CEP89: variants seen among roughly 807,000 people sequenced by gnomAD.
CEP89 encodes the protein centrosomal protein of 89 kDa.
A neutral mutation model predicts 97.6 loss-of-function variants in CEP89; 95 were observed. The observed-to-expected ratio is 0.97, with a 90% CI of 0.82 to 1.15. The LOEUF (loss-of-function observed/expected upper bound fraction) is 1.15, where lower values mean the gene tolerates loss of function less well. Ranked by LOEUF, CEP89 falls within the 50% of genes most tolerant of loss-of-function variation. The probability of loss-of-function intolerance (pLI) is 0.00; values close to 1 mark genes in which losing one functional copy is unlikely to be tolerated. For synonymous variants in CEP89, 354 were observed against 349.1 expected, an observed-to-expected ratio of 1.01 and a Z score of -0.16; for missense variants, 869 against 947.7, an observed-to-expected ratio of 0.92 and a Z score of 1.09.
At chr19:32,945,887 T>TA (rs1706797262) in intron 5 of CEP89, among the ~76,000 whole-genome samples, 1 of 152,092 alleles carries the variant, frequency 6.6e-6, no homozygotes. Context: ...TGAGTTTCAT[T>TA]AGGGCAGCCC....
At position 32,958,728 on chromosome 19, in the gene CEP89, C is replaced by T. The variant is rs180782800; in HGVS notation, c.305+1172G>A. On this transcript the variant is annotated intron_variant, in intron 3 of 18. Transcript: ENST00000305768. ...TGAATATACGTGACAATTAAAAAGG[C>T]AAATGTGGCCAGGCATGGTGGCTCA... Among the ~76,000 whole-genome samples, 4 of 151,668 alleles carry T rather than the reference C, an allele frequency of 2.6e-5. No individual in the cohort carries two copies. In the East Asian group the frequency reaches 5.8e-4, roughly 22 times the overall value.
intron 5 of CEP89, 142 bp from the exon 6 acceptor site, chr19:32,940,027 G>A: frequency 2.0e-6 from 1 of 504,500 alleles, no homozygotes. Context: ...CAGGGTCACA[G>A]GGCAAGTGGG....
intron 14 of CEP89, among the ~76,000 whole-genome samples, chr19:32,909,871 G>A (rs1599730287): frequency 6.6e-6 from 1 of 152,234 alleles, no homozygotes; most frequent in East Asian, 1.9e-4. Flanking sequence ...GACCTCTGAA[G>A]ACCTTGGTGG....
At chr19:32,938,291 T>C (rs1478395756) in intron 6 of CEP89, among the ~76,000 whole-genome samples, 1 of 152,128 alleles carries the variant, frequency 6.6e-6, no homozygotes, top group African/African-American at 2.4e-5. Flanking sequence ...GAAAAGCATG[T>C]GCTAGGTAGG....
Position 32,960,026 on chromosome 19 carries a change from G to A in CEP89, c.179C>T (p.Thr60Ile). 6.2e-7 allele frequency: 1 copy of A among 1,614,228 alleles called. No individual in the cohort carries two copies. The change falls in exon 3 of 19, where the codon ACA becomes ATA. Residue 60 changes from threonine to isoleucine, a missense_variant. Transcript: ENST00000305768. The part of the protein sequence containing the change: ...SALAAAILAT[T>I]LTGRTVAIPQ... ...AATAGCAACCGTCCGCCCAGTCAAT[G>A]TTGTCGCCAGAATGGCTGCTGCCAG...
chr19:32,879,083 T>C lies in CEP89; in HGVS notation c.*79A>G, dbSNP rs1969221945. The C allele has an allele frequency of 1.7e-6, 2 of 1,200,414 alleles. No homozygotes were observed. The highest frequency in any genetic ancestry group is 2.9e-5 in the South Asian group (2 of 68,768). The allele number at this position is 1,200,414 out of a possible 1,614,324, so 74.4% of individuals were successfully genotyped here. ...GCTTACGCACCTCCGGCTGCCACCA[T>C]GGGCTGCCCTGCAGGGAAGGCCTGT... On this transcript the variant is annotated 3_prime_UTR_variant, in exon 19 of 19. Transcript: ENST00000305768.
chr19:32,895,176 A>G (rs760169208), intron 16 of CEP89, among the ~76,000 whole-genome samples: 20 of 152,340 alleles, frequency 1.3e-4, no homozygotes, highest in Middle Eastern at 3.4e-3. Context: ...CAATAAAAAA[A>G]GAAACCTACA....
At chr19:32,891,594 G>A (rs1969518580) in intron 16 of CEP89, among the ~76,000 whole-genome samples, 1 of 151,872 alleles carries the variant, frequency 6.6e-6, no homozygotes, top group Non-Finnish European at 1.5e-5. Flanking sequence ...AAATATAACA[G>A]AACACAAATA....
intron 4 of CEP89, among the ~76,000 whole-genome samples, chr19:32,951,563 ACAC>A (rs1970919292): frequency 6.6e-6 from 1 of 150,708 alleles, no homozygotes; most frequent in Admixed American, 6.6e-5. Context: ...ACACACACAC[ACAC>A]GCACACTACT....
At chr19:32,941,157 C>T (rs770883684) in intron 5 of CEP89, among the ~76,000 whole-genome samples, 10 of 152,028 alleles carry the variant, frequency 6.6e-5, no homozygotes, top group Non-Finnish European at 1.2e-4. Context: ...TGAAAAAACC[C>T]TACAAAATTC....
In CEP89 at chr19:32,943,520, G is replaced by A. The variant is rs151159398; in HGVS notation, c.596-3635C>T. On this transcript the variant is annotated intron_variant, in intron 5 of 18. Transcript: ENST00000305768. ...CATGCCTGTAATCCCAACACTGCGG[G>A]AAGCCGAGATGGGAGGATGGTTTAA... is the stretch of plus-strand genomic sequence containing the variant. Among the ~76,000 whole-genome samples the A allele has an allele frequency of 5.0e-3, 760 of 152,166 alleles. 7 individuals are homozygous for A. The highest frequency in any genetic ancestry group is 6.5e-3 in the Non-Finnish European group (443 of 68,022).
At position 32,915,253 on chromosome 19, in the gene CEP89, G is replaced by A; in HGVS notation, c.1565+84C>T. ...ATGGGCAGATCACTTGAGCCCAGGA[G>A]TTTGGGACCAGCCTGAGCAACATAG... On this transcript the variant is annotated intron_variant, in intron 14 of 18. Coordinates refer to ENST00000305768, the MANE Select transcript of CEP89 (RefSeq NM_032816.5). The A allele has an allele frequency of 6.3e-6, 8 of 1,267,612 alleles. No homozygotes were observed. The South Asian group carries it at 1.2e-4, about 20-fold the overall frequency. 78.5% of individuals were successfully genotyped at this position (1,267,612 alleles called of 1,614,324 possible). A position where few individuals can be genotyped will look rare whatever the true frequency, so the allele number is the denominator to read the frequency against.
chr19:32,924,574 T>G (rs1055696991), intron 11 of CEP89, among the ~76,000 whole-genome samples: 1 of 152,118 alleles, frequency 6.6e-6, no homozygotes, highest in Middle Eastern at 3.2e-3. Context: ...AATATTCTAC[T>G]CCCAGCTGTC....
intron 13 of CEP89, 63 bp downstream of exon 13, chr19:32,918,161 T>G (rs889991414): frequency 1.4e-4 from 180 of 1,327,908 alleles, no homozygotes; most frequent in Non-Finnish European, 9.6e-5. Context: ...AGGAGAGAGA[T>G]AGAAGGGTAA....
rs1378773520 is a variant in CEP89 at position 32,937,641 on chromosome 19, T to C, written c.657A>G (p.Pro219=). 6.2e-7 allele frequency: 1 copy of C among 1,606,006 alleles called. No homozygotes were observed. Among genetic ancestry groups the C allele is most frequent in the Admixed American group, 1.7e-5 (1 of 59,678 alleles). Residue 219 remains proline (P), a synonymous_variant, in exon 7 of 19, where the codon CCA becomes CCG. Coordinates refer to ENST00000305768, the MANE Select transcript of CEP89 (RefSeq NM_032816.5). ...DEKPPLCEKP[P]PSPDITGRAR... is the part of the protein sequence containing the mutation. Reference sequence around the variant, plus strand: ...TCAAAAGGCAAATACCTGGGGAGGGTGGAGGTTTCTCACATAATGGAGGTT... The same window carrying C: ...TCAAAAGGCAAATACCTGGGGAGGGCGGAGGTTTCTCACATAATGGAGGTT...
intron 14 of CEP89, among the ~76,000 whole-genome samples, chr19:32,908,606 T>C (rs1349961992): frequency 6.6e-6 from 1 of 152,202 alleles, no homozygotes; most frequent in Non-Finnish European, 1.5e-5. Context: ...GTTTTTGTTT[T>C]GGCTACAGAA....
chr19:32,912,991 C>A (rs560362234), intron 14 of CEP89, among the ~76,000 whole-genome samples: 194 of 150,396 alleles, frequency 1.3e-3, no homozygotes, highest in Non-Finnish European at 2.4e-3. Flanking sequence ...TGCAGTGAGC[C>A]GAGATAGCGC....
chr19:32,902,010 C>CTCTCTGTGTGTGTGTG (rs1207481256), intron 14 of CEP89, among the ~76,000 whole-genome samples: 103 of 133,806 alleles, frequency 7.7e-4, no homozygotes, highest in African/African-American at 2.8e-3. Context: ...CTCTCTCTCT[C>CTCTCTGTGTGTGTGTG]TGTGTGTGTG....
rs1357451428 is a variant in CEP89 at position 32,971,443 on chromosome 19, C to T, written c.39+393G>A. 4 of 475,220 alleles carry T rather than the reference C, an allele frequency of 8.4e-6. No homozygotes were observed. The East Asian group carries it at 1.2e-4, about 15-fold the overall frequency. 29.4% of individuals were successfully genotyped at this position (475,220 alleles called of 1,614,324 possible). A position where few individuals can be genotyped will look rare whatever the true frequency, so the allele number is the denominator to read the frequency against. On this transcript the variant is annotated intron_variant, in intron 1 of 18. Transcript: ENST00000305768. ...CCTGTGATACCAACACTTTAGGAGG[C>T]TAAGGAGCTCAAGACCACCATAGGA...
Sources: allele counts gnomAD v4.1 joint callset (sites outside exome capture counted in the v4.1 genomes callset), GRCh38; gene constraint gnomAD v4.1.1; transcripts MANE v1.5; gene names NCBI Gene and HGNC (gene_info 2026-07-23, HGNC 2026-07-21).